Variants in TDRD12 observed in about 807,000 individuals in gnomAD.
TDRD12 encodes the protein putative ATP-dependent RNA helicase TDRD12.
A neutral mutation model predicts 133.5 loss-of-function variants in TDRD12; 158 were observed. The observed-to-expected ratio is 1.18, with a 90% CI of 1.04 to 1.35. TDRD12 has a LOEUF of 1.35. TDRD12 is among the 40% of genes most tolerant of loss of function. The pLI, the probability that TDRD12 is intolerant of heterozygous loss-of-function variation, is 0.00. For missense variants in TDRD12, 1,443 were observed against 1,321.3 expected, an observed-to-expected ratio of 1.09 and a Z score of -1.43; for synonymous variants, 460 against 477.9, an observed-to-expected ratio of 0.96 and a Z score of 0.49.
intron 1 of TDRD12, among the ~76,000 whole-genome samples, chr19:32,730,098 G>A (rs1969001402): frequency 6.6e-6 from 1 of 151,954 alleles, no homozygotes; most frequent in Admixed American, 6.6e-5. Flanking sequence ...CTAAAACTGC[G>A]TATTTCTTTC....
At chr19:32,810,018 C>T in intron 22 of TDRD12, 75 bp from the exon 23 acceptor site, 1 of 919,738 alleles carries the variant, frequency 1.1e-6, no homozygotes, top group Non-Finnish European at 1.5e-6. Context: ...CTGATTTCTG[C>T]AGATACAGGG....
intron 1 of TDRD12, among the ~76,000 whole-genome samples, chr19:32,726,352 T>A (rs1968860664): frequency 6.6e-6 from 1 of 152,206 alleles, no homozygotes; most frequent in Non-Finnish European, 1.5e-5. Context: ...GTGCTGGGAT[T>A]ACAGGCGTGA....
At chr19:32,719,853 C>T (rs1384416033) in exon 1 of TDRD12, 3 of 599,740 alleles carry the variant, frequency 5.0e-6, no homozygotes, top group South Asian at 3.8e-5. Context: ...TGGTTACTGC[C>T]AGGACGGAGC....
At chr19:32,795,377 C>G (rs962237951) in intron 14 of TDRD12, among the ~76,000 whole-genome samples, 1 of 150,966 alleles carries the variant, frequency 6.6e-6, no homozygotes, top group African/African-American at 2.4e-5. Context: ...AAATGGATAT[C>G]GAGTGTGTAA....
intron 17 of TDRD12, 26 bp downstream of exon 17, chr19:32,800,384 T>G (rs1971352646): frequency 7.0e-7 from 1 of 1,420,780 alleles, no homozygotes; most frequent in Non-Finnish European, 9.3e-7. Flanking sequence ...TGTGTATGTG[T>G]ATGTGTGTGT....
chr19:32,730,729 T>C (rs1255909722), intron 1 of TDRD12, among the ~76,000 whole-genome samples: 1 of 151,920 alleles, frequency 6.6e-6, no homozygotes, highest in Non-Finnish European at 1.5e-5. Flanking sequence ...AAATCATGAG[T>C]TCTTGGCTGG....
exon 23 of TDRD12, chr19:32,810,166 C>G: frequency 6.5e-7 from 1 of 1,535,080 alleles, no homozygotes; most frequent in Non-Finnish European, 8.7e-7. Flanking sequence ...GATCTTTATG[C>G]AACTCTCAAT....
intron 1 of TDRD12, among the ~76,000 whole-genome samples, chr19:32,725,510 A>G (rs1968830594): frequency 6.6e-6 from 1 of 152,102 alleles, no homozygotes; most frequent in South Asian, 2.1e-4. Flanking sequence ...GGTTTGTCAA[A>G]AATCAGATGG....
In TDRD12 at chr19:32,741,552, G is replaced by C. The variant is rs567698594; in HGVS notation, c.321-1229G>C. Among the ~76,000 whole-genome samples, 71 of 152,294 alleles carry C rather than the reference G, an allele frequency of 4.7e-4. 1 individual carries two copies. The highest frequency in any genetic ancestry group is 1.7e-3 in the African/African-American group (71 of 41,574). On this transcript the variant is annotated intron_variant, in intron 3 of 27. Coordinates refer to ENST00000444215, the Ensembl canonical transcript of TDRD12. ...GTGTTTAACTGTTTGGGGAGCTTTT[G>C]TTTTTGCGTTTGATGTTTTACATTT... is the stretch of plus-strand genomic sequence containing the variant.
At chr19:32,766,193 C>A (rs934230546) in intron 8 of TDRD12, among the ~76,000 whole-genome samples, 8 of 152,078 alleles carry the variant, frequency 5.3e-5, no homozygotes, top group Non-Finnish European at 8.8e-5. Context: ...GTATTTAAAT[C>A]ATTTCTATTT....
At chr19:32,753,118 G>C (rs1036150301) in intron 6 of TDRD12, among the ~76,000 whole-genome samples, 2 of 152,158 alleles carry the variant, frequency 1.3e-5, no homozygotes, top group African/African-American at 4.8e-5. Context: ...TCTTCAAGCA[G>C]CTCTGGTTCC....
At chr19:32,763,362 G>A (rs1031720391) in intron 8 of TDRD12, among the ~76,000 whole-genome samples, 1 of 152,162 alleles carries the variant, frequency 6.6e-6, no homozygotes, top group Admixed American at 6.5e-5. Context: ...CCTTTGGGCT[G>A]CACGCTTCTC....
At chr19:32,744,275 C>T (rs968811920) in intron 4 of TDRD12, among the ~76,000 whole-genome samples, 3 of 151,132 alleles carry the variant, frequency 2.0e-5, no homozygotes, top group African/African-American at 4.8e-5. Flanking sequence ...CTGAGGCAGG[C>T]GGATCACTTG....
At position 32,806,306 on chromosome 19, in the gene TDRD12, A is replaced by G. The variant is rs538070814; in HGVS notation, c.2553-1243A>G. ...ATGGTACATTAAATGTGTTACTAGC[A>G]GTATTCCTATTTACGCTTAAAGAAG... On this transcript the variant is annotated intron_variant, in intron 21 of 27. Transcript: ENST00000444215. Among the ~76,000 whole-genome samples the G allele has an allele frequency of 2.5e-4, 38 of 150,700 alleles. 1 individual carries two copies. Among genetic ancestry groups the G allele is most frequent in the Admixed American group, 2.4e-3 (37 of 15,132 alleles).
chr19:32,775,438 C>T (rs1970554286), intron 10 of TDRD12, among the ~76,000 whole-genome samples: 1 of 152,172 alleles, frequency 6.6e-6, no homozygotes, highest in Admixed American at 6.5e-5. Flanking sequence ...TTAAGCGATC[C>T]TCCGGCCCCA....
intron 2 of TDRD12, among the ~76,000 whole-genome samples, chr19:32,732,451 G>T (rs966780125): frequency 1.3e-5 from 2 of 152,370 alleles, no homozygotes; most frequent in East Asian, 1.9e-4. Flanking sequence ...GAACCAGGGG[G>T]TTATTTGAGA....
intron 22 of TDRD12, 136 bp from the exon 23 acceptor site, chr19:32,809,957 C>A: frequency 2.0e-6 from 1 of 503,716 alleles, no homozygotes; most frequent in Non-Finnish European, 3.2e-6. Flanking sequence ...GGCTAGCTTC[C>A]TAGTTTTTTC....
At chr19:32,801,774 A>G (rs556179997) in exon 19 of TDRD12, 27 of 1,421,764 alleles carry the variant, frequency 1.9e-5, no homozygotes, top group East Asian at 1.0e-4. Context: ...AAGCAGTTCA[A>G]TATTTTGCTT....
intron 11 of TDRD12, among the ~76,000 whole-genome samples, chr19:32,786,689 A>G (rs905418102): frequency 1.3e-5 from 2 of 152,026 alleles, no homozygotes. Context: ...TCAATCACTG[A>G]TATCCTTTCT....
Sources: gnomAD v4.1 joint callset for allele counts (sites outside exome capture counted in the v4.1 genomes callset) on GRCh38, gnomAD v4.1.1 for gene constraint, MANE v1.5 for transcripts, NCBI Gene and HGNC (gene_info 2026-07-23, HGNC 2026-07-21) for gene names.